The following ZEB1 variants were observed in gnomAD, a reference collection of about 807,000 sequenced individuals.
ZEB1 encodes zinc finger E-box-binding homeobox 1.
In ZEB1, 21 loss-of-function variants were observed where a neutral mutation model predicts 84.9. That is an observed-to-expected ratio of 0.25 (90% confidence interval 0.18 to 0.36). ZEB1 has a LOEUF of 0.36. ZEB1 is among the 10% of genes least tolerant of loss of function. The probability of loss-of-function intolerance (pLI) is 1.00; values close to 1 mark genes in which losing one functional copy is unlikely to be tolerated. For missense variants in ZEB1, 1,104 were observed against 1,330.2 expected (o/e 0.83, Z 2.65); for synonymous variants, 420 against 471.1 (o/e 0.89, Z 1.41).
intron 1 of ZEB1, among the ~76,000 whole-genome samples, chr10:31,364,320 G>GCTA (rs2044016746): frequency 6.6e-6 from 1 of 152,172 alleles, no homozygotes; most frequent in Non-Finnish European, 1.5e-5. Flanking sequence ...GCAAGTGTGT[G>GCTA]GCCCTGGATG....
rs1834631286 is a variant in ZEB1 at position 31,528,862 on chromosome 10, G to GT, written c.*1602dup. 6.6e-6 allele frequency: 1 copy of GT among 152,128 alleles called. No homozygotes were observed. The highest frequency in any genetic ancestry group is 2.1e-4 in the South Asian group (1 of 4,828). The allele number at this position is 152,128 out of a possible 1,614,324, so 9.4% of individuals were successfully genotyped here. ...ACAGAACTTAAATGGGAATGTATTA[G>GT]TTTTACAACTACAATCAAGTCATTT... is the stretch of plus-strand genomic sequence containing the variant. On this transcript the variant is annotated 3_prime_UTR_variant, in exon 9 of 9. Transcript: ENST00000424869.
At chr10:31,452,793 A>G (rs932552457) in intron 1 of ZEB1, among the ~76,000 whole-genome samples, 5 of 143,710 alleles carry the variant, frequency 3.5e-5, no homozygotes, top group Non-Finnish European at 7.4e-5. Flanking sequence ...TGTAGTCCCA[A>G]TTGATGTTAA....
At chr10:31,465,797 A>C (rs1235809253) in intron 2 of ZEB1, among the ~76,000 whole-genome samples, 1 of 151,812 alleles carries the variant, frequency 6.6e-6, no homozygotes, top group Admixed American at 6.6e-5. Flanking sequence ...AAAAAAAAAA[A>C]CTTTCATGGA....
chr10:31,449,523 GA>G (rs1443948699), intron 1 of ZEB1, among the ~76,000 whole-genome samples: 1 of 152,116 alleles, frequency 6.6e-6, no homozygotes, highest in Non-Finnish European at 1.5e-5. Flanking sequence ...TCATTTTGGT[GA>G]AAGTCTTGGG....
intron 5 of ZEB1, among the ~76,000 whole-genome samples, chr10:31,512,795 A>C (rs2070335244): frequency 6.6e-6 from 1 of 152,166 alleles, no homozygotes; most frequent in Non-Finnish European, 1.5e-5. Context: ...TTTCACAGAG[A>C]AGGGAGACTT....
At chr10:31,428,070 G>A (rs1233082536) in intron 1 of ZEB1, among the ~76,000 whole-genome samples, 1 of 152,044 alleles carries the variant, frequency 6.6e-6, no homozygotes, top group South Asian at 2.1e-4. Flanking sequence ...GTCTCCTTCA[G>A]TTCAGCTCTG....
At chr10:31,508,860 T>A (rs1354408215) in intron 4 of ZEB1, among the ~76,000 whole-genome samples, 1 of 152,186 alleles carries the variant, frequency 6.6e-6, no homozygotes, top group African/African-American at 2.4e-5. Flanking sequence ...TGGGGTAGCC[T>A]GTCCTCAGGT....
chr10:31,433,203 T>G (rs1280190709), intron 1 of ZEB1, among the ~76,000 whole-genome samples: 6 of 152,212 alleles, frequency 3.9e-5, no homozygotes, highest in Non-Finnish European at 8.8e-5. Flanking sequence ...ATTTGGAAGA[T>G]ATTGGTTCAC....
chr10:31,521,081 G>A lies in ZEB1; in HGVS notation c.1749G>A (p.Leu583=), dbSNP rs2072228975. Residue 583 remains leucine, a synonymous_variant, in exon 7 of 9, where the codon TTG becomes TTA. Coordinates refer to ENST00000424869, the MANE Select transcript of ZEB1 (RefSeq NM_001174096.2). ...CATCAGCTACTGGAGATGGCAATTT[G>A]TCTCCTAGTCAGCCACCTTTAAAGA... ...SVSSATGDGN[L]SPSQPPLKNL... The A allele has an allele frequency of 6.2e-7, 1 of 1,614,040 alleles. No individual in the cohort carries two copies. Among genetic ancestry groups the A allele is most frequent in the East Asian group, 2.2e-5 (1 of 44,858 alleles).
At chr10:31,450,766 T>C (rs2060463984) in intron 1 of ZEB1, among the ~76,000 whole-genome samples, 1 of 152,220 alleles carries the variant, frequency 6.6e-6, no homozygotes, top group African/African-American at 2.4e-5. Flanking sequence ...GTCCTTTATG[T>C]TAATATAGTA....
chr10:31,498,866 A>T (rs2067682190), intron 3 of ZEB1, among the ~76,000 whole-genome samples: 1 of 152,036 alleles, frequency 6.6e-6, no homozygotes. Flanking sequence ...AACGTATATT[A>T]ATTACTTCAT....
At chr10:31,378,315 A>G (rs2047041142) in intron 1 of ZEB1, among the ~76,000 whole-genome samples, 1 of 151,446 alleles carries the variant, frequency 6.6e-6, no homozygotes, top group Admixed American at 6.6e-5. Context: ...ATATACTCAT[A>G]CATACATACT....
chr10:31,453,701 A>T (rs1242370008), intron 1 of ZEB1, among the ~76,000 whole-genome samples: 1 of 152,162 alleles, frequency 6.6e-6, no homozygotes, highest in Non-Finnish European at 1.5e-5. Flanking sequence ...CCCAAGTCTA[A>T]ACCCAGAAGA....
intron 2 of ZEB1, among the ~76,000 whole-genome samples, chr10:31,488,875 T>G (rs767361236): frequency 1.8e-4 from 27 of 151,316 alleles, no homozygotes; most frequent in Non-Finnish European, 2.4e-4. Flanking sequence ...TTGTTTTGTT[T>G]TATGATCTTG....
At position 31,381,107 on chromosome 10, in the gene ZEB1, A is replaced by G. The variant is rs575030685; in HGVS notation, c.58+61815A>G. 4.6e-5 allele frequency among the ~76,000 whole-genome samples: 7 copies of G among 152,294 alleles called. No individual in the cohort carries two copies. In the South Asian group the frequency reaches 1.5e-3, roughly 32 times the overall value. On this transcript the variant is annotated intron_variant, in intron 1 of 8. Transcript: ENST00000424869. Reference sequence around the variant, plus strand: ...ACTTAAATTCAGGAATGAAACAATCACCATTTTTGTTACAAATTTGTCCAC... The same window carrying G: ...ACTTAAATTCAGGAATGAAACAATCGCCATTTTTGTTACAAATTTGTCCAC...
intron 1 of ZEB1, chr10:31,319,610 C>A (rs1402205925): frequency 2.2e-5 from 8 of 356,392 alleles, no homozygotes; most frequent in African/African-American, 8.8e-5. Flanking sequence ...GCAGGGCGGG[C>A]GGCCGGGACG....
intron 1 of ZEB1, among the ~76,000 whole-genome samples, chr10:31,424,653 T>C (rs2056694212): frequency 6.6e-6 from 1 of 152,024 alleles, no homozygotes; most frequent in Non-Finnish European, 1.5e-5. Context: ...TAAAGAGGTG[T>C]GAATAATAGG....
At chr10:31,372,542 C>T (rs953854666) in intron 1 of ZEB1, among the ~76,000 whole-genome samples, 11 of 152,058 alleles carry the variant, frequency 7.2e-5, no homozygotes, top group Middle Eastern at 6.8e-3. Flanking sequence ...ATTTTGTCTT[C>T]CCAGTACAAA....
intron 2 of ZEB1, among the ~76,000 whole-genome samples, chr10:31,469,182 C>T (rs138779072): frequency 1.4e-4 from 22 of 152,292 alleles, no homozygotes; most frequent in African/African-American, 3.8e-4. Flanking sequence ...CAGAGCTTGA[C>T]GACTAGTCTT....
Sources: gnomAD v4.1 joint callset for allele counts (sites outside exome capture counted in the v4.1 genomes callset) on GRCh38, gnomAD v4.1.1 for gene constraint, MANE v1.5 for transcripts, NCBI Gene and HGNC (gene_info 2026-07-23, HGNC 2026-07-21) for gene names.